SAMD12: variants seen among roughly 807,000 people sequenced by gnomAD.
SAMD12 encodes the protein sterile alpha motif domain-containing protein 12.
A neutral mutation model predicts 15.0 loss-of-function variants in SAMD12; 9 were observed. The ratio of observed to expected loss-of-function variants is 0.60; its 90% CI spans 0.36 to 1.05. SAMD12 has a LOEUF of 1.05. Ranked by LOEUF, SAMD12 falls within the 50% of genes least tolerant of loss-of-function variation. The pLI is 0.01. For synonymous variants in SAMD12, 86 were observed against 90.1 expected, an observed-to-expected ratio of 0.96 and a Z score of 0.25; for missense variants, 230 against 234.2, an observed-to-expected ratio of 0.98 and a Z score of 0.12.
intron 1 of SAMD12, among the ~76,000 whole-genome samples, chr8:118,618,428 G>T (rs1472806508): frequency 6.6e-6 from 1 of 152,158 alleles, no homozygotes; most frequent in Non-Finnish European, 1.5e-5. Flanking sequence ...GAAAATTCAG[G>T]ATATAAAACA....
chr8:118,232,120 G>C (rs1368502229), intron 4 of SAMD12, among the ~76,000 whole-genome samples: 1 of 152,104 alleles, frequency 6.6e-6, no homozygotes, highest in African/African-American at 2.4e-5. Flanking sequence ...CTCTGTTATA[G>C]CATTTACCCC....
At chr8:118,402,096 T>C (rs186713316) in intron 3 of SAMD12, among the ~76,000 whole-genome samples, 1 of 152,254 alleles carries the variant, frequency 6.6e-6, no homozygotes. Flanking sequence ...CTGCATTTAA[T>C]TATGAAAACC....
intron 2 of SAMD12, among the ~76,000 whole-genome samples, chr8:118,463,000 C>T (rs1018728162): frequency 4.1e-5 from 6 of 147,088 alleles, no homozygotes; most frequent in African/African-American, 1.5e-4. Context: ...ACACAGGAGG[C>T]TGAGGCAGGA....
chr8:118,143,978 G>A, the SAMD12 span, among the ~76,000 whole-genome samples: 8 of 152,160 alleles, frequency 5.3e-5, no homozygotes, highest in Admixed American at 5.2e-4. Flanking sequence ...CCAAAGTAAA[G>A]GTGTTGGCGG....
chr8:118,520,997 C>T (rs976008876), intron 2 of SAMD12, among the ~76,000 whole-genome samples: 1 of 152,134 alleles, frequency 6.6e-6, no homozygotes, highest in Non-Finnish European at 1.5e-5. Flanking sequence ...ATTTGTTGGA[C>T]TCTGTGTCGA....
At chr8:118,248,739 G>A (rs1253278217) in intron 4 of SAMD12, among the ~76,000 whole-genome samples, 1 of 151,874 alleles carries the variant, frequency 6.6e-6, no homozygotes, top group Non-Finnish European at 1.5e-5. Flanking sequence ...GCCCCAGAAA[G>A]CATTCTTATA....
intron 2 of SAMD12, among the ~76,000 whole-genome samples, chr8:118,542,587 A>T (rs1826016849): frequency 6.6e-6 from 1 of 152,224 alleles, no homozygotes; most frequent in Non-Finnish European, 1.5e-5. Context: ...AAGCTTTCCC[A>T]GGTCTTCCAG....
chr8:118,215,550 G>T (rs1811939743), intron 4 of SAMD12, among the ~76,000 whole-genome samples: 1 of 151,906 alleles, frequency 6.6e-6, no homozygotes, highest in East Asian at 1.9e-4. Context: ...TGCCATGGTG[G>T]TGCGCTGGAC....
intron 4 of SAMD12, among the ~76,000 whole-genome samples, chr8:118,348,271 G>A (rs1817767624): frequency 6.6e-6 from 1 of 152,074 alleles, no homozygotes; most frequent in South Asian, 2.1e-4. Flanking sequence ...GTTTTGCCAT[G>A]TTGCCCAGGC....
At chr8:118,303,132 T>C (rs17748839) in intron 4 of SAMD12, among the ~76,000 whole-genome samples, 47,398 of 152,106 alleles carry the variant, frequency 0.31, 7,725 homozygotes, top group Non-Finnish European at 0.35. Flanking sequence ...CATTTGTGTA[T>C]CATCCCCTTC....
intron 2 of SAMD12, among the ~76,000 whole-genome samples, chr8:118,511,946 T>A (rs1285739257): frequency 6.6e-6 from 1 of 152,218 alleles, no homozygotes; most frequent in Admixed American, 6.5e-5. Context: ...TTTCTGATTG[T>A]CAATGAAATC....
intron 2 of SAMD12, among the ~76,000 whole-genome samples, chr8:118,580,107 T>G (rs910688200): frequency 6.6e-6 from 1 of 152,154 alleles, no homozygotes; most frequent in Admixed American, 6.5e-5. Context: ...TTTCACTACT[T>G]AGGGTTCTAT....
intron 3 of SAMD12, among the ~76,000 whole-genome samples, chr8:118,434,483 G>C (rs1250547574): frequency 6.6e-6 from 1 of 152,198 alleles, no homozygotes; most frequent in Non-Finnish European, 1.5e-5. Context: ...AGCCTTTAAA[G>C]TTGGCAGGGG....
chr8:118,410,177 A>G (rs935744690), intron 3 of SAMD12, among the ~76,000 whole-genome samples: 1 of 152,178 alleles, frequency 6.6e-6, no homozygotes, highest in African/African-American at 2.4e-5. Context: ...TATTAAGGGT[A>G]CATGTTCAAA....
At chr8:118,329,261 G>C (rs997185892) in intron 4 of SAMD12, among the ~76,000 whole-genome samples, 1 of 152,148 alleles carries the variant, frequency 6.6e-6, no homozygotes, top group Non-Finnish European at 1.5e-5. Context: ...AAGGAACAGT[G>C]AGTGGCCAGC....
At chr8:118,236,589 C>G (rs1365980366) in intron 4 of SAMD12, among the ~76,000 whole-genome samples, 8 of 152,194 alleles carry the variant, frequency 5.3e-5, no homozygotes, top group Admixed American at 3.3e-4. Context: ...AAAACCTCGC[C>G]TGGGCTGGCT....
chr8:118,215,458 T>C (rs541835255), intron 4 of SAMD12, among the ~76,000 whole-genome samples: 138 of 118,128 alleles, frequency 1.2e-3, no homozygotes, highest in Admixed American at 3.8e-3. Flanking sequence ...ATAGTTGTCA[T>C]TGAGTGCTTT....
intron 4 of SAMD12, among the ~76,000 whole-genome samples, chr8:118,210,230 A>T (rs1447667067): frequency 6.6e-6 from 1 of 152,202 alleles, no homozygotes; most frequent in Non-Finnish European, 1.5e-5. Context: ...GTGCATTATT[A>T]CTTTTAAGCC....
chr8:118,141,805 C>G, the SAMD12 span, among the ~76,000 whole-genome samples: 8 of 152,298 alleles, frequency 5.3e-5, no homozygotes, highest in Non-Finnish European at 7.4e-5. Flanking sequence ...AGAAGCAAGA[C>G]CAGATTTGGA....
Sources: gnomAD v4.1 joint callset for allele counts (sites outside exome capture counted in the v4.1 genomes callset) on GRCh38, gnomAD v4.1.1 for gene constraint, MANE v1.5 for transcripts, NCBI Gene and HGNC (gene_info 2026-07-23, HGNC 2026-07-21) for gene names.